LAMA2: variants seen among roughly 807,000 people sequenced by gnomAD.
LAMA2 encodes laminin subunit alpha-2.
In LAMA2, 269 loss-of-function variants were observed where a neutral mutation model predicts 364.8. The ratio of observed to expected loss-of-function variants is 0.74; its 90% CI spans 0.67 to 0.82. The LOEUF (loss-of-function observed/expected upper bound fraction) is 0.82. Ranked by LOEUF, LAMA2 falls within the 40% of genes least tolerant of loss-of-function variation. LAMA2 has a pLI of 0.00. For synonymous variants in LAMA2, 1,379 were observed against 1,370.6 expected (o/e 1.01, Z -0.14); for missense variants, 3,807 against 3,873.2 (o/e 0.98, Z 0.45).
chr6:128,952,375 G>T (rs1034015421), intron 1 of LAMA2, among the ~76,000 whole-genome samples: 1 of 151,926 alleles, frequency 6.6e-6, no homozygotes, highest in Non-Finnish European at 1.5e-5. Context: ...AATTCCATAC[G>T]TTATCAACAG....
chr6:129,229,997 T>G (rs988611081), intron 12 of LAMA2, among the ~76,000 whole-genome samples: 1 of 152,152 alleles, frequency 6.6e-6, no homozygotes, highest in Non-Finnish European at 1.5e-5. Flanking sequence ...ACATCTGAAC[T>G]GAAGATGTAA....
At position 129,493,351 on chromosome 6, in the gene LAMA2, G is replaced by A. The variant is rs117532699; in HGVS notation, c.8244+868G>A. Among the ~76,000 whole-genome samples, 106 of 152,180 alleles carry A rather than the reference G, an allele frequency of 7.0e-4. 1 individual carries two copies. The East Asian group carries it at 0.013, about 19-fold the overall frequency. ...GTATTCAAATCCCAGCACTGTAACC[G>A]ACCATCTGTGTGAATTTGGGAAAGC... is the stretch of plus-strand genomic sequence containing the variant. On this transcript the variant is annotated intron_variant, in intron 58 of 64. Coordinates refer to ENST00000421865, the MANE Select transcript of LAMA2 (RefSeq NM_000426.4).
chr6:129,438,884 T>C, intron 42 of LAMA2, 122 bp downstream of exon 42: 1 of 704,992 alleles, frequency 1.4e-6, no homozygotes, highest in East Asian at 2.6e-5. Context: ...AGATACTGTT[T>C]TTCTTACTCA....
intron 20 of LAMA2, chr6:129,293,074 C>T: frequency 1.0e-5 from 10 of 985,936 alleles, no homozygotes; most frequent in Non-Finnish European, 1.1e-5. Flanking sequence ...CCGGTAATCC[C>T]AGAGGCGCTG....
chr6:128,916,222 A>G (rs1012134047), intron 1 of LAMA2, among the ~76,000 whole-genome samples: 2 of 151,354 alleles, frequency 1.3e-5, no homozygotes, highest in African/African-American at 4.8e-5. Context: ...CAAAAAAAAC[A>G]AAAACAAAAA....
intron 8 of LAMA2, among the ~76,000 whole-genome samples, chr6:129,165,224 C>A (rs1779672786): frequency 6.8e-6 from 1 of 146,280 alleles, no homozygotes; most frequent in African/African-American, 2.5e-5. Context: ...GAAAATAAAT[C>A]TTGTATATAC....
At chr6:129,425,189 A>G (rs2114736252) in intron 40 of LAMA2, among the ~76,000 whole-genome samples, 1 of 152,138 alleles carries the variant, frequency 6.6e-6, no homozygotes, top group South Asian at 2.1e-4. Context: ...GGTTGTGGTA[A>G]TGGTCTCATG....
chr6:129,056,646 G>T (rs1166100584), intron 2 of LAMA2, among the ~76,000 whole-genome samples: 1 of 152,098 alleles, frequency 6.6e-6, no homozygotes, highest in Non-Finnish European at 1.5e-5. Context: ...TTCAGTAAAT[G>T]TTATGACAGT....
intron 45 of LAMA2, among the ~76,000 whole-genome samples, chr6:129,447,527 A>C (rs1769293665): frequency 6.6e-6 from 1 of 152,234 alleles, no homozygotes; most frequent in Non-Finnish European, 1.5e-5. Context: ...CAGAAAGATC[A>C]ACAGAGGCCA....
intron 30 of LAMA2, among the ~76,000 whole-genome samples, chr6:129,344,113 T>C (rs1776414542): frequency 6.6e-6 from 1 of 152,100 alleles, no homozygotes; most frequent in Non-Finnish European, 1.5e-5. Flanking sequence ...AGTTTTTATT[T>C]TGAAAAAAAG....
At chr6:129,277,759 A>G (rs1459264625) in intron 17 of LAMA2, among the ~76,000 whole-genome samples, 1 of 152,212 alleles carries the variant, frequency 6.6e-6, no homozygotes, top group African/African-American at 2.4e-5. Flanking sequence ...TCTGAACTGT[A>G]AGGAGCTAGT....
At chr6:129,070,581 A>G (rs960923180) in intron 3 of LAMA2, among the ~76,000 whole-genome samples, 4 of 152,224 alleles carry the variant, frequency 2.6e-5, no homozygotes, top group South Asian at 4.1e-4. Flanking sequence ...TATCCTCCAG[A>G]TTACTTAAAT....
At chr6:129,200,428 G>GTGTATATACA (rs1782197140) in intron 12 of LAMA2, among the ~76,000 whole-genome samples, 5 of 147,850 alleles carry the variant, frequency 3.4e-5, no homozygotes, top group Non-Finnish European at 7.5e-5. Context: ...ACGTGTATAT[G>GTGTATATACA]TGTACACATA....
At chr6:128,966,346 A>T (rs535914231) in intron 1 of LAMA2, among the ~76,000 whole-genome samples, 274 of 152,182 alleles carry the variant, frequency 1.8e-3, no homozygotes, top group African/African-American at 6.4e-3. Context: ...ATCCTTAAAG[A>T]TCTGAGGTAA....
chr6:129,507,370 C>T lies in LAMA2; in HGVS notation c.8704-119C>T. Reference sequence around the variant, plus strand: ...GAACCCAGGCAGCTTTGGGGGATATCCCATCCTAAGACAACTGGATAACTA... The same window carrying T: ...GAACCCAGGCAGCTTTGGGGGATATTCCATCCTAAGACAACTGGATAACTA... On this transcript the variant is annotated intron_variant, in intron 61 of 64. Transcript: ENST00000421865. 3 of 1,062,480 alleles carry T rather than the reference C, an allele frequency of 2.8e-6. No homozygotes were observed. The South Asian group carries it at 3.8e-5, about 14-fold the overall frequency. The allele number at this position is 1,062,480 out of a possible 1,614,324, so 65.8% of individuals were successfully genotyped here. A position where few individuals can be genotyped will look rare whatever the true frequency, so the allele number is the denominator to read the frequency against.
intron 3 of LAMA2, among the ~76,000 whole-genome samples, chr6:129,066,046 T>A (rs1448371674): frequency 1.2e-5 from 1 of 82,752 alleles, no homozygotes; most frequent in Non-Finnish European, 2.6e-5. Context: ...AGGTTTTTTT[T>A]TTTTTTTTTT....
intron 14 of LAMA2, among the ~76,000 whole-genome samples, chr6:129,253,550 A>G (rs752395921): frequency 5.3e-5 from 8 of 152,268 alleles, no homozygotes; most frequent in Non-Finnish European, 1.0e-4. Context: ...TTAAAATGCC[A>G]TGGAGATGAG....
chr6:129,496,885 T>TATC (rs1166157216), intron 58 of LAMA2, among the ~76,000 whole-genome samples: 1 of 152,218 alleles, frequency 6.6e-6, no homozygotes, highest in Non-Finnish European at 1.5e-5. Context: ...AGGATAATAA[T>TATC]ATCTTCCTTC....
chr6:129,419,154 T>A (rs886626446), intron 40 of LAMA2, among the ~76,000 whole-genome samples: 12 of 152,168 alleles, frequency 7.9e-5, no homozygotes, highest in Admixed American at 4.6e-4. Flanking sequence ...GCCTTAGATG[T>A]ATTTAAAAGT....
Sources: gnomAD v4.1 joint callset for allele counts (sites outside exome capture counted in the v4.1 genomes callset) on GRCh38, gnomAD v4.1.1 for gene constraint, MANE v1.5 for transcripts, NCBI Gene and HGNC (gene_info 2026-07-23, HGNC 2026-07-21) for gene names.